PCDH15: variants seen among roughly 807,000 people sequenced by gnomAD.
PCDH15 encodes protocadherin-15.
A neutral mutation model predicts 178.5 loss-of-function variants in PCDH15; 129 were observed. The ratio of observed to expected loss-of-function variants is 0.72; its 90% confidence interval spans 0.63 to 0.84. The LOEUF (loss-of-function observed/expected upper bound fraction) is 0.84, where lower values mean the gene tolerates loss of function less well. Ranked by LOEUF, PCDH15 falls within the 40% of genes least tolerant of loss-of-function variation. The pLI is 0.00. For synonymous variants in PCDH15, 800 were observed against 732.0 expected (o/e 1.09, Z -1.50); for missense variants, 2,230 against 2,099.9 (o/e 1.06, Z -1.21).
intron 28 of PCDH15, among the ~76,000 whole-genome samples, chr10:53,846,089 C>T (rs1165656523): frequency 6.6e-6 from 1 of 150,698 alleles, no homozygotes; most frequent in Non-Finnish European, 1.5e-5. Context: ...CAAAAATTTC[C>T]CTGAATCTGA....
chr10:55,378,858 T>C (rs778956488), intron 2 of PCDH15, among the ~76,000 whole-genome samples: 21 of 150,212 alleles, frequency 1.4e-4, no homozygotes, highest in Non-Finnish European at 3.1e-4. Context: ...TCTCTTCCTT[T>C]CTTTGTGTAA....
chr10:54,132,542 A>G (rs564597869), intron 15 of PCDH15, among the ~76,000 whole-genome samples: 1 of 152,316 alleles, frequency 6.6e-6, no homozygotes, highest in East Asian at 1.9e-4. Context: ...CAAGACAGAA[A>G]ATAATAGTCA....
intron 1 of PCDH15, among the ~76,000 whole-genome samples, chr10:54,771,835 G>T (rs1591547379): frequency 6.6e-6 from 1 of 152,056 alleles, no homozygotes; most frequent in South Asian, 2.1e-4. Flanking sequence ...TACACATGAA[G>T]AATGATCAGT....
chr10:54,044,599 C>T (rs1477164994), intron 18 of PCDH15, among the ~76,000 whole-genome samples: 2 of 151,966 alleles, frequency 1.3e-5, no homozygotes, highest in African/African-American at 4.8e-5. Context: ...TGGAAATACT[C>T]CAATATCAGA....
chr10:55,276,945 A>G (rs1451458551), intron 1 of PCDH15, among the ~76,000 whole-genome samples: 1 of 152,064 alleles, frequency 6.6e-6, no homozygotes, highest in South Asian at 2.1e-4. Context: ...AGGTTTTGAA[A>G]GAATTCTCAG....
At chr10:53,950,216 T>C (rs935478489) in intron 23 of PCDH15, among the ~76,000 whole-genome samples, 1 of 151,996 alleles carries the variant, frequency 6.6e-6, no homozygotes, top group Admixed American at 6.6e-5. Context: ...AAAGGACTTA[T>C]AGTATATTCT....
At position 54,527,855 on chromosome 10, in the gene PCDH15, T is replaced by C; in HGVS notation, c.114A>G (p.Gly38=). 6.2e-7 allele frequency: 1 copy of C among 1,612,030 alleles called. No individual in the cohort carries two copies. Among genetic ancestry groups the C allele is most frequent in the African/African-American group, 1.3e-5 (1 of 74,966 alleles). The change falls in exon 3 of 38, where the codon GGA becomes GGG. Residue 38 remains glycine, a synonymous_variant. Transcript: ENST00000644397. ...CAATAGCAACTATGGTAGCTGGTGG[T>C]CCTCCCCTAGCTAGTTTGCAATCTA... ...YDDDCKLARG[G]PPATIVAIDE... is the part of the protein sequence containing the mutation.
In PCDH15 at chr10:55,431,345, G is replaced by C. The variant is rs180853304; in HGVS notation, c.-156+196280C>G. Among the ~76,000 whole-genome samples the C allele has an allele frequency of 3.7e-3, 557 of 152,164 alleles. 3 individuals carry two copies. The highest frequency in any genetic ancestry group is 6.8e-3 in the Middle Eastern group (2 of 294). ...ATTGCAATCACAATGAAACTGCATA[G>C]CTTGTTTCCTGCCTACATAAAATCT... On this transcript the variant is annotated intron_variant, in intron 2 of 5. Coordinates refer to the PCDH15 transcript ENST00000613346.
chr10:54,766,042 CT>C (rs11307765), intron 1 of PCDH15, among the ~76,000 whole-genome samples: 22,349 of 152,042 alleles, frequency 0.15, 1,917 homozygotes, highest in East Asian at 0.24. Context: ...TGTGCAGTGT[CT>C]TTGTGTGAAA....
intron 2 of PCDH15, among the ~76,000 whole-genome samples, chr10:55,393,419 T>C (rs1837847623): frequency 6.6e-6 from 1 of 152,120 alleles, no homozygotes; most frequent in African/African-American, 2.4e-5. Context: ...TTGTTGTTAT[T>C]TGTTATTTTT....
intron 1 of PCDH15, among the ~76,000 whole-genome samples, chr10:55,169,997 A>T (rs1731521811): frequency 3.9e-5 from 6 of 152,002 alleles, no homozygotes; most frequent in Admixed American, 3.3e-4. Context: ...GGAAGGAAGG[A>T]AGGAAGGAAG....
Position 55,517,511 on chromosome 10 carries a change from G to GATACATT in PCDH15, c.-156+110113_-156+110114insAATGTAT, listed in dbSNP as rs1841046560. ...CTACATTTTACTAAAATTATACATT[G>GATACATT]GCATAAAGTTTTAGTAAATAAAAAA... On this transcript the variant is annotated intron_variant, in intron 2 of 5. Coordinates refer to the PCDH15 transcript ENST00000613346. 6.6e-5 allele frequency among the ~76,000 whole-genome samples: 10 copies of GATACATT among 151,984 alleles called. No individual in the cohort carries two copies. The South Asian group carries it at 2.1e-3, about 32-fold the overall frequency.
At chr10:54,650,069 A>G (rs1484123203) in intron 2 of PCDH15, among the ~76,000 whole-genome samples, 1 of 152,206 alleles carries the variant, frequency 6.6e-6, no homozygotes, top group Non-Finnish European at 1.5e-5. Flanking sequence ...GAAAACAAGC[A>G]TTACATGACA....
intron 2 of PCDH15, among the ~76,000 whole-genome samples, chr10:54,991,301 CATATAA>C (rs1839494258): frequency 6.6e-6 from 1 of 152,082 alleles, no homozygotes; most frequent in Non-Finnish European, 1.5e-5. Flanking sequence ...TAACTGAATT[CATATAA>C]ATATATTGTT....
chr10:54,040,523 C>T (rs1233362754), intron 18 of PCDH15, among the ~76,000 whole-genome samples: 1 of 151,976 alleles, frequency 6.6e-6, no homozygotes, highest in African/African-American at 2.4e-5. Flanking sequence ...ATGTCTTTAT[C>T]AGCAGCGTGA....
chr10:53,823,522 T>A, intron 32 of PCDH15: 1 of 796,716 alleles, frequency 1.3e-6, no homozygotes, highest in Non-Finnish European at 2.3e-6. Flanking sequence ...TCCCTGCTCT[T>A]AGAAAGGCAG....
At chr10:54,113,697 G>A (rs2095064898) in intron 15 of PCDH15, among the ~76,000 whole-genome samples, 1 of 148,892 alleles carries the variant, frequency 6.7e-6, no homozygotes, top group South Asian at 2.1e-4. Flanking sequence ...ATCATTATTT[G>A]TAAAGACAAC....
At chr10:54,671,113 A>C (rs7907624) in intron 1 of PCDH15, among the ~76,000 whole-genome samples, 5,512 of 152,196 alleles carry the variant, frequency 0.036, 339 homozygotes, top group African/African-American at 0.13. Flanking sequence ...AAGCCCAAAC[A>C]TTATTTCATC....
At chr10:54,672,300 C>T (rs1263253062) in intron 1 of PCDH15, among the ~76,000 whole-genome samples, 1 of 151,994 alleles carries the variant, frequency 6.6e-6, no homozygotes, top group Admixed American at 6.6e-5. Context: ...CTGCTCCCAG[C>T]CCCAGGTCGG....
Sources: gnomAD v4.1 joint callset for allele counts (sites outside exome capture counted in the v4.1 genomes callset) on GRCh38, gnomAD v4.1.1 for gene constraint, MANE v1.5 for transcripts, NCBI Gene and HGNC (gene_info 2026-07-23, HGNC 2026-07-21) for gene names.